Variants in ANKRD44 observed in about 807,000 individuals in gnomAD.
ANKRD44 encodes the protein serine/threonine-protein phosphatase 6 regulatory ankyrin repeat subunit B.
Under a neutral mutation model 116.0 loss-of-function variants are expected in ANKRD44, and 35 were observed. That is an observed-to-expected ratio of 0.30 (90% confidence interval 0.23 to 0.40). The LOEUF is 0.40. ANKRD44 is among the 10% of genes least tolerant of loss of function. The pLI is 1.00. For synonymous variants in ANKRD44, 435 were observed against 461.8 expected (o/e 0.94, Z 0.74); for missense variants, 1,014 against 1,242.6 (o/e 0.82, Z 2.77).
chr2:197,136,609 C>T lies in ANKRD44; in HGVS notation c.244G>A (p.Val82Ile), dbSNP rs371678804. The part of the protein sequence containing the change: ...NMWLTPLHRA[V>I]ASRSEEAVQV... ...TCACTCACTTCACTTCTGGAAGCAA[C>T]AGCCCGGTGCAGTGGAGTCAGCCAC... The change falls in exon 4 of 28, where the codon GTT becomes ATT. Residue 82 changes from valine to isoleucine, a missense_variant. Coordinates refer to ENST00000282272, the MANE Select transcript of ANKRD44 (RefSeq NM_001195144.2). 3.7e-6 allele frequency: 6 copies of T among 1,614,024 alleles called. No individual in the cohort carries two copies. In the African/African-American group the frequency reaches 5.3e-5, roughly 14 times the overall value.
At chr2:197,217,369 T>G (rs1450400357) in intron 1 of ANKRD44, among the ~76,000 whole-genome samples, 1 of 152,226 alleles carries the variant, frequency 6.6e-6, no homozygotes, top group Non-Finnish European at 1.5e-5. Flanking sequence ...TAAGGTTGGA[T>G]AGCTCCCAAA....
chr2:197,276,359 C>T (rs576205120), intron 1 of ANKRD44, among the ~76,000 whole-genome samples: 48 of 150,290 alleles, frequency 3.2e-4, no homozygotes, highest in African/African-American at 9.0e-4. Context: ...ATGACTCTTA[C>T]AGAAATGACA....
At chr2:197,068,743 C>T (rs2077496514) in intron 16 of ANKRD44, among the ~76,000 whole-genome samples, 1 of 152,186 alleles carries the variant, frequency 6.6e-6, no homozygotes, top group African/African-American at 2.4e-5. Context: ...ATCAAAACCA[C>T]AATGAGATAC....
intron 16 of ANKRD44, among the ~76,000 whole-genome samples, chr2:197,066,645 AACAG>A (rs1186772083): frequency 1.3e-5 from 2 of 152,182 alleles, no homozygotes; most frequent in Non-Finnish European, 2.9e-5. Flanking sequence ...ATACACCAAT[AACAG>A]ACAAACAGAG....
chr2:197,109,745 TA>T (rs2078520811), intron 9 of ANKRD44, among the ~76,000 whole-genome samples: 1 of 152,126 alleles, frequency 6.6e-6, no homozygotes, highest in Non-Finnish European at 1.5e-5. Flanking sequence ...AATATCAGCT[TA>T]AAATCTGAAC....
At chr2:197,288,225 A>G (rs1210793120) in intron 1 of ANKRD44, among the ~76,000 whole-genome samples, 3 of 152,172 alleles carry the variant, frequency 2.0e-5, no homozygotes. Flanking sequence ...ACATCCAGCT[A>G]TTCAACCAGT....
chr2:197,274,509 G>C (rs937581348), intron 1 of ANKRD44, among the ~76,000 whole-genome samples: 1 of 152,180 alleles, frequency 6.6e-6, no homozygotes, highest in African/African-American at 2.4e-5. Context: ...GTAACTGAGA[G>C]GTAAGGATAT....
intron 17 of ANKRD44, among the ~76,000 whole-genome samples, chr2:197,019,685 T>C (rs775094639): frequency 6.6e-6 from 1 of 152,208 alleles, no homozygotes; most frequent in Non-Finnish European, 1.5e-5. Flanking sequence ...CCTTTTATTA[T>C]AGGAAATTCC....
chr2:196,994,958 C>T (rs1447286823), intron 26 of ANKRD44: 1 of 153,264 alleles, frequency 6.5e-6, no homozygotes, highest in Admixed American at 6.5e-5. Context: ...ATAATCAAGA[C>T]AAATAGCTTA....
At chr2:197,148,348 G>A (rs558039632) in intron 2 of ANKRD44, among the ~76,000 whole-genome samples, 39 of 152,142 alleles carry the variant, frequency 2.6e-4, no homozygotes, top group African/African-American at 8.7e-4. Context: ...TAGTCTACAC[G>A]TATGGTTTCT....
At chr2:197,078,666 G>A in intron 16 of ANKRD44, 37 bp downstream of exon 16, 3 of 1,605,118 alleles carry the variant, frequency 1.9e-6, no homozygotes, top group Non-Finnish European at 2.6e-6. Context: ...GTATGTGTGT[G>A]TGTGTGTGTT....
intron 12 of ANKRD44, among the ~76,000 whole-genome samples, chr2:197,087,587 T>C (rs138924302): frequency 2.6e-4 from 39 of 152,300 alleles, no homozygotes; most frequent in East Asian, 1.3e-3. Flanking sequence ...ATAACTTAAA[T>C]AAGAAAAATG....
At chr2:197,042,859 C>T (rs746674190) in intron 16 of ANKRD44, among the ~76,000 whole-genome samples, 7 of 152,158 alleles carry the variant, frequency 4.6e-5, no homozygotes, top group Non-Finnish European at 7.4e-5. Context: ...GAGGCATTTT[C>T]GGTAAACAGT....
chr2:197,284,684 G>A lies in ANKRD44; in HGVS notation c.27+25894C>T, dbSNP rs376501924. On this transcript the variant is annotated intron_variant, in intron 1 of 27. Transcript: ENST00000282272. ...GTGGATCACTTGAGGCCAGGAGTTCGAGACCAGCCTGGCCAACATGGTGAA... is the reference window on the plus strand; with the variant it reads ...GTGGATCACTTGAGGCCAGGAGTTCAAGACCAGCCTGGCCAACATGGTGAA... Among the ~76,000 whole-genome samples, 135 of 152,000 alleles carry A rather than the reference G, an allele frequency of 8.9e-4. 4 individuals carry two copies. In the South Asian group the frequency reaches 0.021, roughly 24 times the overall value.
intron 1 of ANKRD44, among the ~76,000 whole-genome samples, chr2:197,190,871 A>T (rs1313125897): frequency 6.6e-6 from 1 of 152,180 alleles, no homozygotes; most frequent in African/African-American, 2.4e-5. Flanking sequence ...GCATATACAG[A>T]TATTTCTTTT....
chr2:197,296,499 A>G (rs1469033460), intron 1 of ANKRD44: 1 of 152,158 alleles, frequency 6.6e-6, no homozygotes, highest in African/African-American at 2.4e-5. Flanking sequence ...ATTAAGCTTA[A>G]AGTTCAACAG....
chr2:197,273,997 A>ATC lies in ANKRD44; in HGVS notation c.27+36580_27+36581insGA, dbSNP rs1559208520. On this transcript the variant is annotated intron_variant, in intron 1 of 27. Coordinates refer to ENST00000282272, the MANE Select transcript of ANKRD44 (RefSeq NM_001195144.2). ...AAAAAAAAAATATATATATATATAT[A>ATC]TATATATATATATATATATATATAT... Among the ~76,000 whole-genome samples, 18 of 59,882 alleles carry ATC rather than the reference A, an allele frequency of 3.0e-4. 3 individuals carry two copies. Among genetic ancestry groups the ATC allele is most frequent in the Non-Finnish European group, 3.8e-4 (12 of 31,576 alleles). 39.3% of individuals were successfully genotyped at this position (59,882 alleles called of 152,430 possible).
intron 1 of ANKRD44, among the ~76,000 whole-genome samples, chr2:197,225,786 TC>T (rs1354844538): frequency 6.6e-6 from 1 of 152,236 alleles, no homozygotes; most frequent in Non-Finnish European, 1.5e-5. Context: ...TATAACTTTT[TC>T]CCATTGGACT....
chr2:197,226,537 G>A (rs1336454975), intron 1 of ANKRD44, among the ~76,000 whole-genome samples: 1 of 152,052 alleles, frequency 6.6e-6, no homozygotes, highest in Non-Finnish European at 1.5e-5. Context: ...GGTGGTGCAC[G>A]CCTGTAGTCC....
Sources: allele counts gnomAD v4.1 joint callset (sites outside exome capture counted in the v4.1 genomes callset), GRCh38; gene constraint gnomAD v4.1.1; transcripts MANE v1.5; gene names NCBI Gene and HGNC (gene_info 2026-07-23, HGNC 2026-07-21).